SLC36A4: variants seen among roughly 807,000 people sequenced by gnomAD.
SLC36A4 encodes neutral amino acid uniporter 4.
Under a neutral mutation model 50.5 loss-of-function variants are expected in SLC36A4, and 49 were observed. The observed-to-expected ratio is 0.97, with a 90% CI of 0.77 to 1.23. The LOEUF (loss-of-function observed/expected upper bound fraction) is 1.23. SLC36A4 is among the 50% of genes most tolerant of loss of function. The probability of loss-of-function intolerance (pLI) is 0.00; values close to 1 mark genes in which losing one functional copy is unlikely to be tolerated. For missense variants in SLC36A4, 611 were observed against 608.4 expected, an observed-to-expected ratio of 1.00 and a Z score of -0.05; for synonymous variants, 207 against 206.5, an observed-to-expected ratio of 1.00 and a Z score of -0.02.
chr11:93,155,716 C>T (rs1860325623), intron 9 of SLC36A4, among the ~76,000 whole-genome samples: 1 of 151,824 alleles, frequency 6.6e-6, no homozygotes, highest in South Asian at 2.1e-4. Flanking sequence ...TTTTCTGATC[C>T]TCTCCCTCCT....
chr11:93,174,634 T>C (rs1234801842), intron 6 of SLC36A4, among the ~76,000 whole-genome samples: 2 of 137,236 alleles, frequency 1.5e-5, no homozygotes, highest in Non-Finnish European at 3.1e-5. Context: ...CAATACCTAA[T>C]TTATTGAGAG....
At position 93,170,581 on chromosome 11, in the gene SLC36A4, C is replaced by T. The variant is rs542675862; in HGVS notation, c.541-2410G>A. Among the ~76,000 whole-genome samples, 15 of 152,200 alleles carry T rather than the reference C, an allele frequency of 9.9e-5. 1 individual carries two copies. In the South Asian group the frequency reaches 2.5e-3, roughly 25 times the overall value. ...AATGTGTGAGTTAAAACTGAGAAAG[C>T]AGAGATTTGAACTCCTATCTTCTGA... is the stretch of plus-strand genomic sequence containing the variant. On this transcript the variant is annotated intron_variant, in intron 6 of 10. Transcript: ENST00000326402.
chr11:93,166,419 T>C (rs1590948800), intron 7 of SLC36A4: 1 of 991,394 alleles, frequency 1.0e-6, no homozygotes, highest in East Asian at 1.1e-4. Flanking sequence ...TTCTCCACTC[T>C]ATTTTTATTG....
intron 8 of SLC36A4, among the ~76,000 whole-genome samples, chr11:93,165,411 A>T (rs1860815451): frequency 1.3e-5 from 2 of 152,174 alleles, no homozygotes; most frequent in African/African-American, 4.8e-5. Flanking sequence ...AACAAACATT[A>T]TATTCATAAA....
Position 93,197,796 on chromosome 11 carries a change from C to A in SLC36A4, c.37G>T (p.Ala13Ser), listed in dbSNP as rs762021787. 6.3e-6 allele frequency: 10 copies of A among 1,586,326 alleles called. No homozygotes were observed. The highest frequency in any genetic ancestry group is 7.7e-6 in the Non-Finnish European group (9 of 1,173,648). ...AAATPAAAGAARREELDMDVM... is the reference protein window; with the variant it reads ...AAATPAAAGASRREELDMDVM... The stretch of plus-strand genomic sequence containing the variant: ...CACCGACCTAGCTCCTCGCGCCTCG[C>A]CGCCCCGGCAGCCGCCGGCGTCGCC... The change falls in exon 1 of 11, where the codon GCG becomes TCG. Residue 13 changes from alanine (A) to serine (S), a missense_variant. Physicochemically the swap from Ala to Ser is moderately conservative, Grantham distance 99. Coordinates refer to ENST00000326402, the MANE Select transcript of SLC36A4 (RefSeq NM_152313.4).
intron 6 of SLC36A4, among the ~76,000 whole-genome samples, chr11:93,174,291 T>C (rs1861341748): frequency 1.3e-5 from 2 of 148,336 alleles, no homozygotes; most frequent in South Asian, 4.5e-4. Context: ...TTTTGTACAT[T>C]GATTTTGTAT....
chr11:93,167,852 TC>T, intron 7 of SLC36A4, 91 bp downstream of exon 7: 2 of 727,438 alleles, frequency 2.7e-6, no homozygotes. Flanking sequence ...GAAGTAGGGG[TC>T]TTTGCATATC....
In SLC36A4 at chr11:93,146,814, A is replaced by T. The variant is rs1859855312; in HGVS notation, c.*1723T>A. On this transcript the variant is annotated 3_prime_UTR_variant, in exon 11 of 11. Transcript: ENST00000326402. The stretch of plus-strand genomic sequence containing the variant: ...ATTCTTAATAATTTTCATTTTCCCC[A>T]CTAACTGAGAGATTCTTTATCTTGG... The T allele has an allele frequency of 6.6e-6, 1 of 152,056 alleles. No individual in the cohort carries two copies. The allele number at this position is 152,056 out of a possible 1,614,324, so 9.4% of individuals were successfully genotyped here. A position where few individuals can be genotyped will look rare whatever the true frequency, so the allele number is the denominator to read the frequency against.
intron 6 of SLC36A4, among the ~76,000 whole-genome samples, chr11:93,179,010 T>C (rs1162306917): frequency 1.3e-5 from 2 of 151,966 alleles, no homozygotes; most frequent in African/African-American, 4.8e-5. Flanking sequence ...GCTAAAACAA[T>C]CATGTAGGGG....
intron 5 of SLC36A4, among the ~76,000 whole-genome samples, 154 bp downstream of exon 5, chr11:93,181,537 T>C (rs182503619): frequency 1.3e-5 from 2 of 152,206 alleles, no homozygotes; most frequent in East Asian, 3.9e-4. Context: ...AATGGTCAAG[T>C]TGAGATTAGA....
chr11:93,179,013 T>C (rs1338863173), intron 6 of SLC36A4, among the ~76,000 whole-genome samples: 1 of 152,062 alleles, frequency 6.6e-6, no homozygotes, highest in Non-Finnish European at 1.5e-5. Flanking sequence ...AAAACAATCA[T>C]GTAGGGGCTG....
chr11:93,184,493 A>C lies in SLC36A4; in HGVS notation c.207T>G (p.Leu69=). 6.2e-7 allele frequency: 1 copy of C among 1,609,962 alleles called. No homozygotes were observed. Among genetic ancestry groups the C allele is most frequent in the Non-Finnish European group, 8.5e-7 (1 of 1,176,654 alleles). The change falls in exon 3 of 11, where the codon CTT becomes CTG. Residue 69 remains leucine (L), a synonymous_variant. Transcript: ENST00000326402. ...AAAGGCCAGTTCCAATATTTCCTTT[A>C]AGAAGGTGCATAAGAGTTTGTACAA... ...ISFVQTLMHL[L]KGNIGTGLLG...
chr11:93,150,936 A>G (rs2134625622), intron 10 of SLC36A4, among the ~76,000 whole-genome samples: 1 of 152,190 alleles, frequency 6.6e-6, no homozygotes, highest in African/African-American at 2.4e-5. Context: ...AGCTGTCACT[A>G]GTAAATCAAG....
chr11:93,162,777 A>G lies in SLC36A4; in HGVS notation c.966T>C (p.Ala322=). Reference sequence around the variant, plus strand: ...CATGGAAACACATATATCCTAAAGTAGCTAATGTTACATACAAAGTTGTAA... The same window carrying G: ...CATGGAAACACATATATCCTAAAGTGGCTAATGTTACATACAAAGTTGTAA... The part of the protein sequence containing the change: ...GIVTTLYVTL[A]TLGYMCFHDE... The change falls in exon 9 of 11, where the codon GCT becomes GCC. Residue 322 remains alanine (A), a synonymous_variant. Transcript: ENST00000326402. 1 of 1,613,614 alleles carries G rather than the reference A, an allele frequency of 6.2e-7. No individual in the cohort carries two copies. The highest frequency in any genetic ancestry group is 8.5e-7 in the Non-Finnish European group (1 of 1,179,704).
At chr11:93,162,922 A>G in intron 8 of SLC36A4, 47 bp from the exon 9 acceptor site, 1 of 1,555,744 alleles carries the variant, frequency 6.4e-7, no homozygotes, top group Non-Finnish European at 8.8e-7. Flanking sequence ...ACAAGTATTT[A>G]AAAATAACAG....
rs1565210473 is a variant in SLC36A4 at position 93,146,647 on chromosome 11, T to C, written c.*1890A>G. ...CTTGAACTAAGTTAACATTTACATA[T>C]AAAAATAGAGAATATATACAACTAT... On this transcript the variant is annotated 3_prime_UTR_variant, in exon 11 of 11. Transcript: ENST00000326402. The C allele has an allele frequency of 6.6e-6, 1 of 152,052 alleles. No individual in the cohort carries two copies. The highest frequency in any genetic ancestry group is 6.6e-5 in the Admixed American group (1 of 15,244). The allele number at this position is 152,052 out of a possible 1,614,324, so 9.4% of individuals were successfully genotyped here.
intron 3 of SLC36A4, among the ~76,000 whole-genome samples, chr11:93,183,622 A>G (rs1462768763): frequency 6.6e-6 from 1 of 152,072 alleles, no homozygotes; most frequent in Non-Finnish European, 1.5e-5. Context: ...AATTATAATA[A>G]TTACAATAAC....
In SLC36A4 at chr11:93,182,889, T is replaced by C. The variant is rs1861798249; in HGVS notation, c.276A>G (p.Gly92=). 1.9e-6 allele frequency: 3 copies of C among 1,607,874 alleles called. No homozygotes were observed. The highest frequency in any genetic ancestry group is 2.5e-6 in the Non-Finnish European group (3 of 1,177,534). The change falls in exon 4 of 11, where the codon GGA becomes GGG. Residue 92 remains glycine, a synonymous_variant. Coordinates refer to ENST00000326402, the MANE Select transcript of SLC36A4 (RefSeq NM_152313.4). The part of the protein sequence containing the change: ...LAIKNAGIVL[G]PISLVFIGII... ...TTCCTATAAACACAAGGCTGATTGG[T>C]CCAAGCTGTGGGGAAAAAAAATTTA...
Position 93,153,518 on chromosome 11 carries a change from T to C in SLC36A4, c.1207+590A>G, listed in dbSNP as rs139243449. Among the ~76,000 whole-genome samples the C allele has an allele frequency of 9.8e-3, 1,483 of 151,908 alleles. 14 individuals are homozygous for C. The highest frequency in any genetic ancestry group is 0.016 in the Non-Finnish European group (1,088 of 67,908). On this transcript the variant is annotated intron_variant, in intron 10 of 10. Transcript: ENST00000326402. ...ATAGGCTTGACTTTGAATTCCCAGA[T>C]CTGTCTGACTCCAAAACTTACACTC...
Sources: allele counts gnomAD v4.1 joint callset (sites outside exome capture counted in the v4.1 genomes callset), GRCh38; gene constraint gnomAD v4.1.1; transcripts MANE v1.5; gene names NCBI Gene and HGNC (gene_info 2026-07-23, HGNC 2026-07-21).